The following SORCS3 variants were observed in gnomAD, a reference collection of about 807,000 sequenced individuals.
SORCS3 encodes the protein sortilin related VPS10 domain containing receptor 3.
Under a neutral mutation model 146.3 loss-of-function variants are expected in SORCS3, and 57 were observed. The observed-to-expected ratio is 0.39, with a 90% CI of 0.31 to 0.49. The LOEUF (loss-of-function observed/expected upper bound fraction) is 0.49. Among genes scored for constraint, SORCS3 ranks in the 20% least tolerant of loss-of-function variants. The pLI is 0.92. For synonymous variants in SORCS3, 653 were observed against 618.5 expected (o/e 1.06, Z -0.83); for missense variants, 1,341 against 1,575.5 (o/e 0.85, Z 2.52).
At chr10:105,058,926 T>C (rs916674777) in intron 5 of SORCS3, among the ~76,000 whole-genome samples, 2 of 152,176 alleles carry the variant, frequency 1.3e-5, no homozygotes, top group African/African-American at 2.4e-5. Flanking sequence ...ATGCATCATA[T>C]ACATGTAAAA....
chr10:105,215,809 C>T (rs532507528), intron 18 of SORCS3, among the ~76,000 whole-genome samples: 1 of 152,290 alleles, frequency 6.6e-6, no homozygotes, highest in East Asian at 1.9e-4. Flanking sequence ...GTGATCAGTG[C>T]ACATTCACTG....
intron 2 of SORCS3, among the ~76,000 whole-genome samples, chr10:104,885,810 C>A (rs1044306903): frequency 1.3e-5 from 2 of 152,110 alleles, no homozygotes; most frequent in Non-Finnish European, 2.9e-5. Context: ...CTTAATAGTT[C>A]TGAGAATTTC....
At chr10:104,805,874 CTTA>C (rs1327064970) in intron 1 of SORCS3, among the ~76,000 whole-genome samples, 1 of 152,096 alleles carries the variant, frequency 6.6e-6, no homozygotes, top group Non-Finnish European at 1.5e-5. Flanking sequence ...CCCCTCTTTA[CTTA>C]TTCTTTTCTT....
chr10:104,933,307 T>A (rs78674721), intron 3 of SORCS3, among the ~76,000 whole-genome samples: 1 of 52,672 alleles, frequency 1.9e-5, no homozygotes, highest in Admixed American at 1.5e-4. Context: ...CCTCTGGCTA[T>A]TTTTTTTTTT....
At chr10:104,905,310 C>T (rs1423479740) in intron 2 of SORCS3, among the ~76,000 whole-genome samples, 3 of 152,194 alleles carry the variant, frequency 2.0e-5, no homozygotes, top group Non-Finnish European at 4.4e-5. Flanking sequence ...CTGTAATTCA[C>T]TCCTTGGAAA....
intron 5 of SORCS3, among the ~76,000 whole-genome samples, chr10:105,045,248 G>A (rs1022309372): frequency 6.6e-6 from 1 of 152,076 alleles, no homozygotes; most frequent in African/African-American, 2.4e-5. Flanking sequence ...AAGAGGAGAA[G>A]GTTCTAGCTT....
intron 1 of SORCS3, among the ~76,000 whole-genome samples, chr10:104,690,217 T>C (rs1202909809): frequency 2.6e-5 from 4 of 152,206 alleles, no homozygotes; most frequent in Non-Finnish European, 5.9e-5. Flanking sequence ...GGCATAATTC[T>C]TGGGGTTGAA....
chr10:105,153,006 C>A (rs1029803065), intron 9 of SORCS3, among the ~76,000 whole-genome samples: 6 of 151,974 alleles, frequency 3.9e-5, no homozygotes, highest in African/African-American at 1.4e-4. Context: ...AGTATAAGTT[C>A]TGTGAGTTTT....
intron 3 of SORCS3, among the ~76,000 whole-genome samples, chr10:104,951,842 A>T (rs1023333060): frequency 2.1e-4 from 32 of 152,202 alleles, no homozygotes; most frequent in African/African-American, 7.5e-4. Flanking sequence ...GGCTAATCTT[A>T]ACCATAGGAA....
chr10:104,941,807 A>G (rs933047091), intron 3 of SORCS3, among the ~76,000 whole-genome samples: 1 of 143,244 alleles, frequency 7.0e-6, no homozygotes, highest in African/African-American at 2.8e-5. Flanking sequence ...CTCTGGCTCC[A>G]AAGCAAAGTA....
chr10:105,201,332 T>G (rs1265902253), intron 16 of SORCS3, 79 bp downstream of exon 16: 11 of 1,508,588 alleles, frequency 7.3e-6, no homozygotes, highest in Non-Finnish European at 9.8e-6. Context: ...GAAGATGAAG[T>G]TAGGAGAGGA....
At chr10:104,728,554 G>A (rs963026856) in intron 1 of SORCS3, among the ~76,000 whole-genome samples, 2 of 152,202 alleles carry the variant, frequency 1.3e-5, no homozygotes, top group Non-Finnish European at 2.9e-5. Context: ...ACGATTAGGT[G>A]ATGTCAGGAC....
At chr10:105,110,029 G>A (rs1228067182) in intron 7 of SORCS3, among the ~76,000 whole-genome samples, 2 of 151,714 alleles carry the variant, frequency 1.3e-5, no homozygotes, top group Admixed American at 1.3e-4. Context: ...GTGTACACTA[G>A]ACAGGAAAGA....
At chr10:105,228,191 A>T (rs1276115754) in intron 20 of SORCS3, among the ~76,000 whole-genome samples, 3 of 151,372 alleles carry the variant, frequency 2.0e-5, no homozygotes, top group Non-Finnish European at 3.0e-5. Context: ...TTTCTCTCTT[A>T]TTGTTTATCA....
intron 1 of SORCS3, among the ~76,000 whole-genome samples, chr10:104,664,074 C>T (rs1327269886): frequency 6.6e-6 from 1 of 152,040 alleles, no homozygotes; most frequent in Non-Finnish European, 1.5e-5. Flanking sequence ...AAGAGCTTTG[C>T]TGGTTGCTGG....
chr10:104,820,274 A>G (rs929769087), intron 1 of SORCS3, among the ~76,000 whole-genome samples: 5 of 152,222 alleles, frequency 3.3e-5, no homozygotes, highest in East Asian at 1.9e-4. Flanking sequence ...AATGGGAACA[A>G]TAGTAATCAT....
chr10:104,800,183 T>G (rs1304919103), intron 1 of SORCS3, among the ~76,000 whole-genome samples: 1 of 152,020 alleles, frequency 6.6e-6, no homozygotes, highest in Non-Finnish European at 1.5e-5. Context: ...ATGTAGAAAC[T>G]TTAAATAGAT....
chr10:104,914,733 A>G (rs1476071360), intron 2 of SORCS3, among the ~76,000 whole-genome samples: 3 of 152,222 alleles, frequency 2.0e-5, no homozygotes, highest in Non-Finnish European at 2.9e-5. Context: ...GAAGGTGGAT[A>G]AAGGCTCAAA....
chr10:104,659,486 A>G (rs1589449385), intron 1 of SORCS3, among the ~76,000 whole-genome samples: 2 of 152,302 alleles, frequency 1.3e-5, no homozygotes, highest in East Asian at 1.9e-4. Flanking sequence ...TCCCCCCAGA[A>G]TGTAGCCTTG....
Sources: allele counts gnomAD v4.1 joint callset (sites outside exome capture counted in the v4.1 genomes callset), GRCh38; gene constraint gnomAD v4.1.1; transcripts MANE v1.5; gene names NCBI Gene and HGNC (gene_info 2026-07-23, HGNC 2026-07-21).